The following DCSTAMP variants were observed in gnomAD, a reference collection of about 807,000 sequenced individuals.
DCSTAMP encodes dendrocyte expressed seven transmembrane protein, also known as dendritic cell-specific transmembrane protein.
DCSTAMP carries 25 observed loss-of-function variants against 33.8 expected under a neutral mutation model. That is an observed-to-expected ratio of 0.74 (90% CI 0.54 to 1.03). The LOEUF (loss-of-function observed/expected upper bound fraction) is 1.03. Among genes scored for constraint, DCSTAMP ranks in the 50% least tolerant of loss-of-function variants. The probability of loss-of-function intolerance (pLI) is 0.00; values close to 1 mark genes in which losing one functional copy is unlikely to be tolerated. For synonymous variants in DCSTAMP, 245 were observed against 216.7 expected (o/e 1.13, Z -1.15); for missense variants, 531 against 556.8 (o/e 0.95, Z 0.47).
In DCSTAMP at chr8:104,356,184, G is replaced by A. The variant is rs992597329; in HGVS notation, c.1399G>A (p.Ala467Thr). 6.2e-7 allele frequency: 1 copy of A among 1,612,478 alleles called. No individual in the cohort carries two copies. Among genetic ancestry groups the A allele is most frequent in the Non-Finnish European group, 8.5e-7 (1 of 1,179,236 alleles). ...IRKKQMDMAS[A>T]DKS ...GAAGAAGCAAATGGACATGGCAAGTGCAGACAAGTCATGAGAGACCCCGAC... is the reference window on the plus strand; with the variant it reads ...GAAGAAGCAAATGGACATGGCAAGTACAGACAAGTCATGAGAGACCCCGAC... Residue 467 changes from alanine (A) to threonine (T), a missense_variant, in exon 4 of 4, where the codon GCA (alanine) becomes ACA (threonine). Transcript: ENST00000297581.
chr8:104,341,395 T>G (rs2140464968), intron 1 of DCSTAMP, among the ~76,000 whole-genome samples: 1 of 152,354 alleles, frequency 6.6e-6, no homozygotes, highest in Non-Finnish European at 1.5e-5. Flanking sequence ...AATGCCGGTC[T>G]CCTTCACTCA....
chr8:104,348,211 A>T (rs1810363326), intron 1 of DCSTAMP, among the ~76,000 whole-genome samples: 1 of 152,226 alleles, frequency 6.6e-6, no homozygotes, highest in South Asian at 2.1e-4. Context: ...TAGCAGGGAA[A>T]TGCAGCTGGA....
At position 104,349,092 on chromosome 8, in the gene DCSTAMP, T is replaced by C. The variant is rs752161504; in HGVS notation, c.540T>C (p.His180=). 3 of 1,614,078 alleles carry C rather than the reference T, an allele frequency of 1.9e-6. No individual in the cohort carries two copies. The highest frequency in any genetic ancestry group is 2.2e-5 in the East Asian group (1 of 44,898). Residue 180 remains histidine, a synonymous_variant, in exon 2 of 4, where the codon CAT becomes CAC. Coordinates refer to ENST00000297581, the MANE Select transcript of DCSTAMP (RefSeq NM_030788.4). Reference sequence around the variant, plus strand: ...CAGTCTCTCTTTTCAGTCCCAGCCATGTCCTGGAGGCACAGCTAAATGACA... The same window carrying C: ...CAGTCTCTCTTTTCAGTCCCAGCCACGTCCTGGAGGCACAGCTAAATGACA... ...TLAVSLFSPS[H]VLEAQLNDSK...
At chr8:104,351,949 A>G (rs1300423161) in intron 2 of DCSTAMP, among the ~76,000 whole-genome samples, 1 of 152,034 alleles carries the variant, frequency 6.6e-6, no homozygotes, top group African/African-American at 2.4e-5. Context: ...AAAGATTATT[A>G]CTTTTAACTT....
chr8:104,353,708 T>A (rs1028211125), intron 2 of DCSTAMP, among the ~76,000 whole-genome samples: 1 of 152,202 alleles, frequency 6.6e-6, no homozygotes, highest in Non-Finnish European at 1.5e-5. Flanking sequence ...GTTTCCAAAG[T>A]CTTCACAGGC....
intron 1 of DCSTAMP, among the ~76,000 whole-genome samples, chr8:104,345,560 GCA>G (rs1363035148): frequency 6.6e-6 from 1 of 152,160 alleles, no homozygotes; most frequent in Admixed American, 6.5e-5. Flanking sequence ...GGACAAAATT[GCA>G]GTCGTATATC....
upstream of DCSTAMP, chr8:104,339,797 T>G (rs766959707): frequency 1.3e-5 from 2 of 152,218 alleles, no homozygotes; most frequent in Non-Finnish European, 2.9e-5. Flanking sequence ...TTTCCTGCTA[T>G]ATATCAAGAC....
Position 104,348,924 on chromosome 8 carries a change from T to C in DCSTAMP, c.372T>C (p.Gly124=). Residue 124 remains glycine, a synonymous_variant, in exon 2 of 4, where the codon GGT becomes GGC. Transcript: ENST00000297581. The part of the protein sequence containing the change: ...IFHNFKGLLD[G]MTCNLRAKSF... ...ACAACTTTAAAGGTCTCCTAGATGG[T>C]ATGACTTGCAACCTAAGGGCAAAGA... 1 of 1,614,270 alleles carries C rather than the reference T, an allele frequency of 6.2e-7. No homozygotes were observed. The highest frequency in any genetic ancestry group is 8.5e-7 in the Non-Finnish European group (1 of 1,180,054).
chr8:104,342,203 G>T (rs1474051152), intron 1 of DCSTAMP, among the ~76,000 whole-genome samples: 1 of 152,182 alleles, frequency 6.6e-6, no homozygotes, highest in African/African-American at 2.4e-5. Context: ...TGTCTCCAGG[G>T]ATAAAAGGGG....
chr8:104,349,612 T>C (rs771117384), intron 2 of DCSTAMP, 31 bp downstream of exon 2: 1 of 1,574,600 alleles, frequency 6.4e-7, no homozygotes, highest in Non-Finnish European at 8.6e-7. Context: ...TCATGGTTTA[T>C]CCCGGCTATT....
At position 104,354,821 on chromosome 8, in the gene DCSTAMP, C is replaced by T. The variant is rs940979830; in HGVS notation, c.1030-56C>T. The T allele has an allele frequency of 4.1e-6, 5 of 1,227,868 alleles. No homozygotes were observed. In the African/African-American group the frequency reaches 6.0e-5, roughly 15 times the overall value. 76.1% of individuals were successfully genotyped at this position (1,227,868 alleles called of 1,614,324 possible). The stretch of plus-strand genomic sequence containing the variant: ...TGCTGCAGGGAAGTACTGAGAAAGA[C>T]AAGAACTGAGTACAAAAATGGCATG... On this transcript the variant is annotated intron_variant, in intron 2 of 3. Coordinates refer to ENST00000297581, the MANE Select transcript of DCSTAMP (RefSeq NM_030788.4).
rs1386474358 is a variant in DCSTAMP at position 104,356,338 on chromosome 8, G to A, written c.*140G>A. On this transcript the variant is annotated 3_prime_UTR_variant, in exon 4 of 4. Coordinates refer to ENST00000297581, the MANE Select transcript of DCSTAMP (RefSeq NM_030788.4). ...TCTGAGTTTACAGAGCCAACTTGCA[G>A]CACCTGGTTATGCCTCCTTTCATCT... 8.6e-6 allele frequency: 6 copies of A among 693,970 alleles called. No homozygotes were observed. The highest frequency in any genetic ancestry group is 1.1e-5 in the Non-Finnish European group (5 of 459,604). 43.0% of individuals were successfully genotyped at this position (693,970 alleles called of 1,614,324 possible).
intron 1 of DCSTAMP, among the ~76,000 whole-genome samples, chr8:104,343,278 G>T (rs1035075361): frequency 2.0e-5 from 3 of 152,178 alleles, no homozygotes; most frequent in African/African-American, 7.2e-5. Flanking sequence ...TACCTAAAAA[G>T]ATGTAGCTAC....
chr8:104,355,329 T>C (rs1243118561), intron 3 of DCSTAMP, 144 bp downstream of exon 3: 2 of 769,390 alleles, frequency 2.6e-6, no homozygotes, highest in African/African-American at 3.5e-5. Flanking sequence ...TGAGGAAAAA[T>C]GAACAAACGT....
rs1296061769 is a variant in DCSTAMP, at chr8:104,356,430, C to T, written c.*232C>T. On this transcript the variant is annotated 3_prime_UTR_variant, in exon 4 of 4. Transcript: ENST00000297581. ...GTTCCAAACAAACCACATGATCTTG[C>T]CTGTGTCACAATGTAACAAGACTCT... 6.0e-6 allele frequency: 2 copies of T among 333,938 alleles called. No homozygotes were observed. The highest frequency in any genetic ancestry group is 2.2e-5 in the African/African-American group (1 of 46,448). 20.7% of individuals were successfully genotyped at this position (333,938 alleles called of 1,614,324 possible). A position where few individuals can be genotyped will look rare whatever the true frequency, so the allele number is the denominator to read the frequency against.
chr8:104,345,855 A>G (rs1810301499), intron 1 of DCSTAMP, among the ~76,000 whole-genome samples: 1 of 152,374 alleles, frequency 6.6e-6, no homozygotes, highest in African/African-American at 2.4e-5. Flanking sequence ...AGAGTCAACT[A>G]TTTTGATGCA....
chr8:104,342,907 C>T (rs996563966), intron 1 of DCSTAMP, among the ~76,000 whole-genome samples: 6 of 152,296 alleles, frequency 3.9e-5, no homozygotes, highest in Admixed American at 2.0e-4. Flanking sequence ...TAGGTATTCA[C>T]GACTGCACGA....
Position 104,348,548 on chromosome 8 carries a change from G to T in DCSTAMP, c.-5G>T. On this transcript the variant is annotated 5_prime_UTR_variant, in exon 2 of 4. Coordinates refer to ENST00000297581, the MANE Select transcript of DCSTAMP (RefSeq NM_030788.4). ...TTTCTTTTTCATTTTCAGGACGCAG[G>T]GAGCATGGGTATCTGGACCTCAGGC... 1 of 1,605,524 alleles carries T rather than the reference G, an allele frequency of 6.2e-7. No homozygotes were observed.
At chr8:104,341,151 A>G (rs2099382754) in intron 1 of DCSTAMP, among the ~76,000 whole-genome samples, 1 of 152,330 alleles carries the variant, frequency 6.6e-6, no homozygotes, top group Admixed American at 6.5e-5. Context: ...CACACTTTCA[A>G]TAGCAGTAAG....
Sources: gnomAD v4.1 joint callset for allele counts (sites outside exome capture counted in the v4.1 genomes callset) on GRCh38, gnomAD v4.1.1 for gene constraint, MANE v1.5 for transcripts, NCBI Gene and HGNC (gene_info 2026-07-23, HGNC 2026-07-21) for gene names.